FBXL7: variants seen among roughly 807,000 people sequenced by gnomAD.
FBXL7 encodes the protein F-box/LRR-repeat protein 7.
FBXL7 carries 12 observed loss-of-function variants against 38.3 expected under a neutral mutation model. The ratio of observed to expected loss-of-function variants is 0.31; its 90% CI spans 0.20 to 0.51. FBXL7 has a LOEUF of 0.51. FBXL7 is among the 20% of genes least tolerant of loss of function. The pLI, the probability that FBXL7 is intolerant of heterozygous loss-of-function variation, is 0.98. For synonymous variants in FBXL7, 297 were observed against 300.9 expected (o/e 0.99, Z 0.13); for missense variants, 567 against 676.4 (o/e 0.84, Z 1.79).
intron 2 of FBXL7, among the ~76,000 whole-genome samples, chr5:15,724,308 G>A (rs1345143367): frequency 6.6e-6 from 1 of 152,068 alleles, no homozygotes; most frequent in Non-Finnish European, 1.5e-5. Context: ...GGTACAAACA[G>A]TCTTTAATAT....
chr5:15,699,786 A>G (rs1743465122), intron 2 of FBXL7, among the ~76,000 whole-genome samples: 1 of 152,192 alleles, frequency 6.6e-6, no homozygotes, highest in African/African-American at 2.4e-5. Context: ...TAGAATGTGT[A>G]TTATCCTTCG....
At chr5:15,600,447 C>T (rs1739757156) in intron 1 of FBXL7, among the ~76,000 whole-genome samples, 1 of 152,112 alleles carries the variant, frequency 6.6e-6, no homozygotes, top group Non-Finnish European at 1.5e-5. Flanking sequence ...TCTGGAGTCC[C>T]CTTGACCAAG....
chr5:15,779,279 G>A (rs1736933891), intron 2 of FBXL7, among the ~76,000 whole-genome samples: 3 of 151,930 alleles, frequency 2.0e-5, no homozygotes, highest in East Asian at 3.9e-4. Flanking sequence ...GTACTTAATA[G>A]GACAGTAGAA....
At chr5:15,795,922 A>C (rs1478492976) in intron 2 of FBXL7, among the ~76,000 whole-genome samples, 2 of 152,226 alleles carry the variant, frequency 1.3e-5, no homozygotes, top group African/African-American at 4.8e-5. Context: ...AACTGGGAAT[A>C]ATAGTGGTCC....
chr5:15,585,866 A>C (rs2126473602), intron 1 of FBXL7, among the ~76,000 whole-genome samples: 1 of 152,364 alleles, frequency 6.6e-6, no homozygotes, highest in Admixed American at 6.5e-5. Context: ...GGTCACACAA[A>C]TGTGATCTTG....
intron 2 of FBXL7, among the ~76,000 whole-genome samples, chr5:15,747,774 T>C (rs570450646): frequency 6.6e-6 from 1 of 152,248 alleles, no homozygotes; most frequent in East Asian, 1.9e-4. Flanking sequence ...CTGTAACTCA[T>C]CCTCCCACTT....
chr5:15,896,002 C>T (rs1241427056), intron 2 of FBXL7, among the ~76,000 whole-genome samples: 3 of 151,052 alleles, frequency 2.0e-5, no homozygotes, highest in Non-Finnish European at 4.4e-5. Flanking sequence ...GACATGAGCT[C>T]AGAGTCAGCT....
At chr5:15,844,805 A>G (rs1221436980) in intron 2 of FBXL7, among the ~76,000 whole-genome samples, 1 of 149,944 alleles carries the variant, frequency 6.7e-6, no homozygotes, top group Middle Eastern at 3.2e-3. Context: ...GCTTCCACAG[A>G]AAAAAAAAAT....
At chr5:15,546,966 C>T (rs1737917046) in intron 1 of FBXL7, among the ~76,000 whole-genome samples, 1 of 152,094 alleles carries the variant, frequency 6.6e-6, no homozygotes, top group Admixed American at 6.5e-5. Context: ...TTGAGCACAT[C>T]GTAGTTGACA....
intron 1 of FBXL7, among the ~76,000 whole-genome samples, chr5:15,551,993 C>T (rs375830053): frequency 3.4e-4 from 51 of 152,238 alleles, no homozygotes; most frequent in African/African-American, 7.7e-4. Flanking sequence ...CAATGCATCC[C>T]GTTTTCCAAA....
intron 2 of FBXL7, among the ~76,000 whole-genome samples, chr5:15,800,545 C>T (rs761243633): frequency 6.6e-6 from 1 of 152,166 alleles, no homozygotes; most frequent in African/African-American, 2.4e-5. Context: ...CTCCTGCAAG[C>T]CAGGCACTTG....
rs143924966 is a variant in FBXL7 at position 15,762,832 on chromosome 5, A to G, written c.127+146760A>G. On this transcript the variant is annotated intron_variant, in intron 2 of 3. Transcript: ENST00000504595. ...GAAATGCATTACGTAGTGTCTTCCT[A>G]AACAGTTTATGCTAATTGAATTGAG... Among the ~76,000 whole-genome samples, 27 of 152,292 alleles carry G rather than the reference A, an allele frequency of 1.8e-4. No individual in the cohort carries two copies. In the East Asian group the frequency reaches 5.0e-3, roughly 28 times the overall value.
rs78811303 is a variant in FBXL7, at chr5:15,871,296, G to T, written c.128-56594G>T. On this transcript the variant is annotated intron_variant, in intron 2 of 3. Coordinates refer to ENST00000504595, the MANE Select transcript of FBXL7 (RefSeq NM_012304.5). ...GACAATGCAAAAGCTCCATCCAAAG[G>T]TCACCAACACCAAAGACCAAAGGTA... 5.1e-3 allele frequency among the ~76,000 whole-genome samples: 781 copies of T among 152,170 alleles called. 12 individuals are homozygous for T. The highest frequency in any genetic ancestry group is 0.018 in the African/African-American group (742 of 41,526).
At chr5:15,764,258 C>T (rs1736526880) in intron 2 of FBXL7, among the ~76,000 whole-genome samples, 1 of 152,128 alleles carries the variant, frequency 6.6e-6, no homozygotes, top group South Asian at 2.1e-4. Context: ...AGCAGGACAA[C>T]GTGATGTGAA....
chr5:15,818,703 C>CGTGTGTGTGT (rs3222099), intron 2 of FBXL7, among the ~76,000 whole-genome samples: 2,261 of 116,754 alleles, frequency 0.019, 25 homozygotes, highest in Middle Eastern at 0.035. Context: ...CCCATTATTT[C>CGTGTGTGTGT]GTGTGTGTGT....
intron 2 of FBXL7, among the ~76,000 whole-genome samples, chr5:15,633,343 A>G (rs1214532600): frequency 1.3e-5 from 2 of 152,094 alleles, no homozygotes; most frequent in Admixed American, 1.3e-4. Flanking sequence ...CAATTATTTG[A>G]TTTTGTCAAC....
At chr5:15,708,709 A>G (rs544715638) in intron 2 of FBXL7, among the ~76,000 whole-genome samples, 2 of 152,306 alleles carry the variant, frequency 1.3e-5, no homozygotes, top group South Asian at 2.1e-4. Context: ...CCAATAATCC[A>G]AAGTGCTTTT....
At chr5:15,830,199 G>C (rs1738415083) in intron 2 of FBXL7, among the ~76,000 whole-genome samples, 1 of 152,180 alleles carries the variant, frequency 6.6e-6, no homozygotes, top group East Asian at 1.9e-4. Flanking sequence ...AACTTAGCAA[G>C]GTGGCTGGGC....
At chr5:15,519,285 G>A (rs1049891009) in intron 1 of FBXL7, among the ~76,000 whole-genome samples, 1 of 152,152 alleles carries the variant, frequency 6.6e-6, no homozygotes, top group African/African-American at 2.4e-5. Context: ...GGAGGCTGCA[G>A]TCAACCGAGA....
Sources: allele counts gnomAD v4.1 joint callset (sites outside exome capture counted in the v4.1 genomes callset), GRCh38; gene constraint gnomAD v4.1.1; transcripts MANE v1.5; gene names NCBI Gene and HGNC (gene_info 2026-07-23, HGNC 2026-07-21).